Variants in CDH2 observed in about 807,000 individuals in gnomAD.
CDH2 encodes the protein cadherin 2.
In CDH2, 17 loss-of-function variants were observed where a neutral mutation model predicts 92.0. The observed-to-expected ratio is 0.18, with a 90% CI of 0.13 to 0.28. The LOEUF (loss-of-function observed/expected upper bound fraction) is 0.28, where lower values mean the gene tolerates loss of function less well. CDH2 is among the 10% of genes least tolerant of loss of function. The probability of loss-of-function intolerance (pLI) is 1.00; values close to 1 mark genes in which losing one functional copy is unlikely to be tolerated. For synonymous variants in CDH2, 419 were observed against 415.9 expected (o/e 1.01, Z -0.09); for missense variants, 862 against 1,133.1 (o/e 0.76, Z 3.44).
chr18:27,976,714 C>A (rs1290201837), intron 14 of CDH2, among the ~76,000 whole-genome samples: 5 of 152,118 alleles, frequency 3.3e-5, no homozygotes, highest in African/African-American at 1.2e-4. Flanking sequence ...CAGGGTACAC[C>A]AAATAACAGC....
chr18:28,074,688 GC>G (rs146749583), intron 2 of CDH2, among the ~76,000 whole-genome samples: 57 of 117,368 alleles, frequency 4.9e-4, no homozygotes, highest in Admixed American at 2.2e-3. Flanking sequence ...ACTAAAGGAG[GC>G]CCTTTTTTTT....
At chr18:28,107,021 G>C (rs2015333393) in intron 2 of CDH2, among the ~76,000 whole-genome samples, 1 of 151,982 alleles carries the variant, frequency 6.6e-6, no homozygotes, top group South Asian at 2.1e-4. Flanking sequence ...TGAGAAACTT[G>C]AAAACAGTGA....
chr18:27,983,016 T>C lies in CDH2; in HGVS notation c.2277A>G (p.Leu759=), dbSNP rs754532497. Residue 759 remains leucine (L), a synonymous_variant, in exon 14 of 16, where the codon TTA becomes TTG. Coordinates refer to ENST00000269141, the MANE Select transcript of CDH2 (RefSeq NM_001792.5). ...CTCTTACATCATCTTCTGGATCAAT[T>C]AAAAGTTGTTTGGCCTGGCGTTCTT... The part of the protein sequence containing the change: ...RDKERQAKQL[L]IDPEDDVRDN... 1 of 1,612,084 alleles carries C rather than the reference T, an allele frequency of 6.2e-7. No homozygotes were observed. The highest frequency in any genetic ancestry group is 1.7e-5 in the Admixed American group (1 of 60,000).
chr18:28,048,533 T>A (rs1599061493), intron 2 of CDH2, among the ~76,000 whole-genome samples: 1 of 152,182 alleles, frequency 6.6e-6, no homozygotes, highest in East Asian at 1.9e-4. Context: ...ATGGGTCAAA[T>A]GCTCCCAAAG....
At chr18:28,027,762 G>A (rs989263209) in intron 2 of CDH2, among the ~76,000 whole-genome samples, 9 of 151,624 alleles carry the variant, frequency 5.9e-5, no homozygotes, top group African/African-American at 1.7e-4. Context: ...TCTATGCTAC[G>A]AAATATTTCA....
intron 1 of CDH2, chr18:28,159,203 C>T (rs1468021179): frequency 6.6e-6 from 1 of 152,230 alleles, no homozygotes; most frequent in African/African-American, 2.4e-5. Context: ...ACCCTGTCCC[C>T]TACTCCGCCC....
intron 14 of CDH2, among the ~76,000 whole-genome samples, chr18:27,981,900 A>G (rs935298459): frequency 3.3e-5 from 5 of 152,176 alleles, no homozygotes; most frequent in Admixed American, 6.5e-5. Context: ...TCAGATAACT[A>G]TCAAATGTAT....
At chr18:28,085,007 T>G (rs2014899965) in intron 2 of CDH2, among the ~76,000 whole-genome samples, 1 of 152,100 alleles carries the variant, frequency 6.6e-6, no homozygotes, top group South Asian at 2.1e-4. Flanking sequence ...AATTCCCCAC[T>G]CTACTCTTCT....
At chr18:28,064,310 T>C (rs980593639) in intron 2 of CDH2, among the ~76,000 whole-genome samples, 4 of 152,132 alleles carry the variant, frequency 2.6e-5, no homozygotes, top group Non-Finnish European at 5.9e-5. Flanking sequence ...GGTCTCACTC[T>C]GTCACCCAGG....
At chr18:28,027,252 AT>A (rs1326707495) in intron 2 of CDH2, among the ~76,000 whole-genome samples, 1 of 152,110 alleles carries the variant, frequency 6.6e-6, no homozygotes, top group Non-Finnish European at 1.5e-5. Context: ...AGACAGTAAA[AT>A]TAGGACAAAA....
chr18:27,948,157 A>G (rs1467999230), downstream of CDH2, among the ~76,000 whole-genome samples: 2 of 150,502 alleles, frequency 1.3e-5, no homozygotes, highest in Non-Finnish European at 3.0e-5. Flanking sequence ...AAGTGTGTAT[A>G]CGGTAAAGAA....
At chr18:28,142,209 T>C (rs2144317456) in intron 2 of CDH2, among the ~76,000 whole-genome samples, 1 of 152,164 alleles carries the variant, frequency 6.6e-6, no homozygotes, top group East Asian at 1.9e-4. Context: ...TGCTAATATG[T>C]CTGTATGCAT....
chr18:28,042,430 G>C (rs960507433), intron 2 of CDH2, among the ~76,000 whole-genome samples: 1 of 152,058 alleles, frequency 6.6e-6, no homozygotes, highest in Non-Finnish European at 1.5e-5. Context: ...TACAGTGATG[G>C]TCTTGGTATT....
In CDH2 at chr18:28,048,848, T is replaced by A. The variant is rs537943966; in HGVS notation, c.173-34939A>T. On this transcript the variant is annotated intron_variant, in intron 2 of 15. Coordinates refer to ENST00000269141, the MANE Select transcript of CDH2 (RefSeq NM_001792.5). ...TGCCATCAGACATTGGGAGTTTGAT[T>A]TTCATCAATGGCAGCTGAAACAGCC... Among the ~76,000 whole-genome samples the A allele has an allele frequency of 2.2e-4, 33 of 152,192 alleles. 1 individual carries two copies. The highest frequency in any genetic ancestry group is 1.5e-3 in the South Asian group (7 of 4,820).
chr18:28,079,771 T>C (rs1007354493), intron 2 of CDH2, among the ~76,000 whole-genome samples: 3 of 152,154 alleles, frequency 2.0e-5, no homozygotes, highest in Non-Finnish European at 4.4e-5. Context: ...GGTGGACACT[T>C]TGTTCTAGCA....
intron 1 of CDH2, among the ~76,000 whole-genome samples, chr18:28,152,408 G>A (rs1287812431): frequency 6.6e-6 from 1 of 152,176 alleles, no homozygotes; most frequent in Non-Finnish European, 1.5e-5. Context: ...GATTTAATGT[G>A]GGAGGTTAAG....
At chr18:27,979,624 T>A (rs1223332319) in intron 14 of CDH2, among the ~76,000 whole-genome samples, 1 of 152,212 alleles carries the variant, frequency 6.6e-6, no homozygotes, top group Admixed American at 6.5e-5. Context: ...TCCAACAGAA[T>A]ACTATTCAGC....
intron 2 of CDH2, among the ~76,000 whole-genome samples, chr18:28,014,181 T>G (rs1227247769): frequency 6.6e-6 from 1 of 152,152 alleles, no homozygotes; most frequent in Non-Finnish European, 1.5e-5. Flanking sequence ...CAGGTGCACC[T>G]GCTTTTCACC....
intron 2 of CDH2, among the ~76,000 whole-genome samples, chr18:28,061,837 C>G (rs1436332430): frequency 2.6e-5 from 4 of 152,114 alleles, no homozygotes; most frequent in African/African-American, 9.7e-5. Context: ...ATAAAACCAT[C>G]AGATCTCATG....
Sources: gnomAD v4.1 joint callset for allele counts (sites outside exome capture counted in the v4.1 genomes callset) on GRCh38, gnomAD v4.1.1 for gene constraint, MANE v1.5 for transcripts, NCBI Gene and HGNC (gene_info 2026-07-23, HGNC 2026-07-21) for gene names.